Variants in XYLT1 observed in about 807,000 individuals in gnomAD.
XYLT1 encodes xylosyltransferase 1, also known as beta-D-xylosyltransferase 1.
XYLT1 carries 36 observed loss-of-function variants against 91.3 expected under a neutral mutation model. The observed-to-expected ratio is 0.39, with a 90% CI of 0.30 to 0.52. The LOEUF (loss-of-function observed/expected upper bound fraction) is 0.52. XYLT1 is among the 20% of genes least tolerant of loss of function. The pLI is 0.68. For missense variants in XYLT1, 1,242 were observed against 1,284.5 expected, an observed-to-expected ratio of 0.97 and a Z score of 0.51; for synonymous variants, 588 against 532.0, an observed-to-expected ratio of 1.11 and a Z score of -1.45.
intron 2 of XYLT1, among the ~76,000 whole-genome samples, chr16:17,316,469 T>C (rs962548970): frequency 6.6e-5 from 10 of 152,118 alleles, no homozygotes; most frequent in South Asian, 2.1e-4. Flanking sequence ...TGATCTCTGC[T>C]CACTGCAGCC....
chr16:17,371,842 G>A (rs1273565180), intron 1 of XYLT1, among the ~76,000 whole-genome samples: 4 of 152,242 alleles, frequency 2.6e-5, no homozygotes, highest in African/African-American at 7.2e-5. Context: ...GAAAGAGAGA[G>A]TGTATGTGTG....
chr16:17,108,749 G>A lies in XYLT1; in HGVS notation c.2826C>T (p.Ser942=). 6.2e-7 allele frequency: 1 copy of A among 1,606,040 alleles called. No homozygotes were observed. The highest frequency in any genetic ancestry group is 1.1e-5 in the South Asian group (1 of 90,772). Reference sequence around the variant, plus strand: ...CCCCCAGCTCCGACTTGGGGTCAGGGCTGAAGGAGCTCCAGGCCGTCTGGC... The same window carrying A: ...CCCCCAGCTCCGACTTGGGGTCAGGACTGAAGGAGCTCCAGGCCGTCTGGC... ...TCSQTAWSSF[S]PDPKSELGAV... is the part of the protein sequence containing the mutation. The change falls in exon 12 of 12, where the codon AGC becomes AGT. Residue 942 remains serine, a synonymous_variant. Coordinates refer to ENST00000261381, the MANE Select transcript of XYLT1 (RefSeq NM_022166.4).
intron 3 of XYLT1, among the ~76,000 whole-genome samples, chr16:17,256,028 C>G (rs1268705970): frequency 1.3e-5 from 2 of 151,992 alleles, no homozygotes; most frequent in Non-Finnish European, 2.9e-5. Flanking sequence ...CAAAACAAAA[C>G]AGATAGAAAA....
In XYLT1 at chr16:17,102,706, ATATC is replaced by A. The variant is rs1473177994; in HGVS notation, c.*5985_*5988del. ...AATACTCCTTTAAATAAATAGCAAA[ATATC>A]TACATATTTCAGCGTGTGCCATTTG... On this transcript the variant is annotated 3_prime_UTR_variant, in exon 12 of 12. Transcript: ENST00000261381. The A allele has an allele frequency of 6.6e-6, 1 of 152,412 alleles. No individual in the cohort carries two copies. Among genetic ancestry groups the A allele is most frequent in the African/African-American group, 2.4e-5 (1 of 41,448 alleles). The allele number at this position is 152,412 out of a possible 1,614,324, so 9.4% of individuals were successfully genotyped here. A position where few individuals can be genotyped will look rare whatever the true frequency, so the allele number is the denominator to read the frequency against.
At chr16:17,438,660 C>T (rs1460520661) in intron 1 of XYLT1, among the ~76,000 whole-genome samples, 1 of 152,000 alleles carries the variant, frequency 6.6e-6, no homozygotes, top group Non-Finnish European at 1.5e-5. Flanking sequence ...CTGTACAGGA[C>T]GCATGGCTAG....
chr16:17,302,118 T>C (rs1206322314), intron 2 of XYLT1, among the ~76,000 whole-genome samples: 4 of 152,094 alleles, frequency 2.6e-5, no homozygotes, highest in African/African-American at 7.2e-5. Context: ...GATGGGAGAA[T>C]TGCTTGAACC....
intron 5 of XYLT1, among the ~76,000 whole-genome samples, chr16:17,191,763 G>A (rs371226630): frequency 1.3e-5 from 2 of 152,224 alleles, no homozygotes; most frequent in East Asian, 1.9e-4. Flanking sequence ...CTCAGCCTGC[G>A]GCTCTGGTAG....
Position 17,299,563 on chromosome 16 carries a change from C to G in XYLT1, c.403-40065G>C, listed in dbSNP as rs922919179. 2.0e-5 allele frequency among the ~76,000 whole-genome samples: 3 copies of G among 152,344 alleles called. No homozygotes were observed. In the East Asian group the frequency reaches 5.8e-4, roughly 29 times the overall value. ...GGGGCTAAAGACACCCTCTGAATTG[C>G]TAGCGTCCCTTCCACCTCGCTTCTC... On this transcript the variant is annotated intron_variant, in intron 2 of 11. Coordinates refer to ENST00000261381, the MANE Select transcript of XYLT1 (RefSeq NM_022166.4).
At chr16:17,436,086 T>C (rs899629426) in intron 1 of XYLT1, among the ~76,000 whole-genome samples, 1 of 152,168 alleles carries the variant, frequency 6.6e-6, no homozygotes, top group African/African-American at 2.4e-5. Context: ...GTTTAATAAA[T>C]GGGAGTTCCC....
chr16:17,228,579 G>A (rs1319037248), intron 3 of XYLT1, among the ~76,000 whole-genome samples: 2 of 152,058 alleles, frequency 1.3e-5, no homozygotes, highest in Admixed American at 1.3e-4. Flanking sequence ...CCTCATCAGC[G>A]AGGCTTGTGA....
At chr16:17,404,678 G>C (rs988211825) in intron 1 of XYLT1, among the ~76,000 whole-genome samples, 1 of 152,208 alleles carries the variant, frequency 6.6e-6, no homozygotes, top group African/African-American at 2.4e-5. Flanking sequence ...GCAGTTGCCT[G>C]TAATTCCAAC....
chr16:17,106,902 G>A lies in XYLT1; in HGVS notation c.*1793C>T, dbSNP rs8044934. On this transcript the variant is annotated 3_prime_UTR_variant, in exon 12 of 12. Transcript: ENST00000261381. ...TTGGAGCTTTCTTTGCGTGGTGTTC[G>A]ATGCCCCTGCTTTACTCTGAGGATG... The A allele has an allele frequency of 0.18, 26,964 of 151,964 alleles. 7,436 individuals are homozygous for A. The highest frequency in any genetic ancestry group is 0.59 in the African/African-American group (24,369 of 41,342). The allele number at this position is 151,964 out of a possible 1,614,324, so 9.4% of individuals were successfully genotyped here.
At chr16:17,250,745 G>A (rs1397943698) in intron 3 of XYLT1, 2 of 152,246 alleles carry the variant, frequency 1.3e-5, no homozygotes, top group Non-Finnish European at 2.9e-5. Context: ...GGGCTCCTCA[G>A]AAGGAGATGC....
At chr16:17,210,605 T>G (rs1567324407) in intron 3 of XYLT1, among the ~76,000 whole-genome samples, 1 of 152,048 alleles carries the variant, frequency 6.6e-6, no homozygotes. Context: ...AGAGATAAGG[T>G]CTCCCTATGT....
chr16:17,299,208 G>A (rs966036189), intron 2 of XYLT1, among the ~76,000 whole-genome samples: 3 of 152,114 alleles, frequency 2.0e-5, no homozygotes, highest in South Asian at 2.1e-4. Flanking sequence ...TAAGGCAGAC[G>A]GGAAATGCAC....
rs376695542 is a variant in XYLT1 at position 17,210,238 on chromosome 16, G to A, written c.914-9584C>T. Among the ~76,000 whole-genome samples, 532 of 152,186 alleles carry A rather than the reference G, an allele frequency of 3.5e-3. 3 individuals carry two copies. Among genetic ancestry groups the A allele is most frequent in the African/African-American group, 0.012 (509 of 41,532 alleles). On this transcript the variant is annotated intron_variant, in intron 3 of 11. Coordinates refer to ENST00000261381, the MANE Select transcript of XYLT1 (RefSeq NM_022166.4). ...CTGTAGGCTGGCTGTGGTGGCTCAC[G>A]CCTGTAATCCCAGCACTTTGGGAGG... is the stretch of plus-strand genomic sequence containing the variant.
intron 2 of XYLT1, among the ~76,000 whole-genome samples, chr16:17,309,041 T>C (rs537091019): frequency 6.6e-6 from 1 of 151,944 alleles, no homozygotes; most frequent in East Asian, 1.9e-4. Flanking sequence ...GCCCAGAGCC[T>C]AGCAATCAGA....
intron 1 of XYLT1, among the ~76,000 whole-genome samples, chr16:17,379,889 T>C (rs1294616215): frequency 1.3e-5 from 2 of 152,114 alleles, no homozygotes; most frequent in South Asian, 2.1e-4. Flanking sequence ...ATTTGAAAGA[T>C]TGCTTAGGCT....
intron 1 of XYLT1, among the ~76,000 whole-genome samples, chr16:17,459,791 A>G (rs889286556): frequency 6.6e-6 from 1 of 152,194 alleles, no homozygotes; most frequent in Non-Finnish European, 1.5e-5. Flanking sequence ...CCTGCTGTGC[A>G]TAAGGCCTGG....
Sources: gnomAD v4.1 joint callset for allele counts (sites outside exome capture counted in the v4.1 genomes callset) on GRCh38, gnomAD v4.1.1 for gene constraint, MANE v1.5 for transcripts, NCBI Gene and HGNC (gene_info 2026-07-23, HGNC 2026-07-21) for gene names.